Variants in AGPAT4 observed in about 807,000 individuals in gnomAD.
AGPAT4 encodes 1-acyl-sn-glycerol-3-phosphate acyltransferase delta.
AGPAT4 carries 15 observed loss-of-function variants against 48.0 expected under a neutral mutation model. The ratio of observed to expected loss-of-function variants is 0.31; its 90% CI spans 0.21 to 0.48. The LOEUF (loss-of-function observed/expected upper bound fraction) is 0.48, where lower values mean the gene tolerates loss of function less well. Among genes scored for constraint, AGPAT4 ranks in the 20% least tolerant of loss-of-function variants. The pLI is 0.99. For missense variants in AGPAT4, 314 were observed against 482.5 expected (o/e 0.65, Z 3.27); for synonymous variants, 178 against 198.7 (o/e 0.90, Z 0.88).
intron 2 of AGPAT4, among the ~76,000 whole-genome samples, chr6:161,170,301 T>C (rs906018946): frequency 6.6e-6 from 1 of 152,156 alleles, no homozygotes; most frequent in African/African-American, 2.4e-5. Flanking sequence ...GATGTCTACA[T>C]ATCTCCCAGT....
Position 161,229,573 on chromosome 6 carries a change from T to G in AGPAT4, c.178+2463A>C, listed in dbSNP as rs543090117. 6.6e-6 allele frequency among the ~76,000 whole-genome samples: 1 copy of G among 152,276 alleles called. No individual in the cohort carries two copies. Among genetic ancestry groups the G allele is most frequent in the Admixed American group, 6.5e-5 (1 of 15,308 alleles). ...AGGAACCAGGAAAAGCGAACAGCCC[T>G]GCTAACACCTATGGGGATACCAGAA... On this transcript the variant is annotated intron_variant, in intron 2 of 8. Transcript: ENST00000320285. This position sits in a 1 kb window ranked among gnomAD's most constrained non-coding sequence, Gnocchi z 6.0.
chr6:161,176,851 T>C (rs565923933), intron 2 of AGPAT4, among the ~76,000 whole-genome samples: 9 of 152,302 alleles, frequency 5.9e-5, no homozygotes, highest in Non-Finnish European at 1.2e-4. Flanking sequence ...TGACAAAATC[T>C]CTCAGCATTT....
rs878870396 is a variant in AGPAT4 at position 161,178,524 on chromosome 6, G to T, written c.179-12107C>A. On this transcript the variant is annotated intron_variant, in intron 2 of 8. Coordinates refer to ENST00000320285, the MANE Select transcript of AGPAT4 (RefSeq NM_020133.3). The surrounding 1 kb of genome is among the most constrained non-coding windows in gnomAD (Gnocchi z 5.1). ...GGAGTGAACCAATTTTCCAGGTGCC[G>T]TCTGTCACCGCTTCCCTTGGCTAGG... Among the ~76,000 whole-genome samples, 2 of 152,164 alleles carry T rather than the reference G, an allele frequency of 1.3e-5. No individual in the cohort carries two copies. The highest frequency in any genetic ancestry group is 1.5e-5 in the Non-Finnish European group (1 of 68,028).
Position 161,144,055 on chromosome 6 carries a change from T to A in AGPAT4, c.843+2469A>T. The stretch of plus-strand genomic sequence containing the variant: ...GACAAACTGGGTCGGGCACCCAGAT[T>A]TGGGGCACGTAAAGCTTTAGATCTA... On this transcript the variant is annotated intron_variant, in intron 7 of 8. Transcript: ENST00000320285. The surrounding 1 kb of genome is among the most constrained non-coding windows in gnomAD (Gnocchi z 6.6). 1 of 486,382 alleles carries A rather than the reference T, an allele frequency of 2.1e-6. No individual in the cohort carries two copies. The highest frequency in any genetic ancestry group is 5.6e-5 in the East Asian group (1 of 17,714). The allele number at this position is 486,382 out of a possible 1,614,324, so 30.1% of individuals were successfully genotyped here.
In AGPAT4 at chr6:161,234,268, T is replaced by G. The variant is rs1410644319; in HGVS notation, c.-89-1966A>C. ...GAAGGCAGGCTGCATTCCTGCAAGA[T>G]TCCTATACATTTCTGATAGGAGGGA... On this transcript the variant is annotated intron_variant, in intron 1 of 8. Coordinates refer to ENST00000320285, the MANE Select transcript of AGPAT4 (RefSeq NM_020133.3). The surrounding 1 kb of genome is among the most constrained non-coding windows in gnomAD (Gnocchi z 4.4). Among the ~76,000 whole-genome samples, 3 of 152,182 alleles carry G rather than the reference T, an allele frequency of 2.0e-5. No individual in the cohort carries two copies. Among genetic ancestry groups the G allele is most frequent in the African/African-American group, 7.2e-5 (3 of 41,440 alleles).
At chr6:161,213,805 C>CTTA (rs1781576632) in intron 2 of AGPAT4, among the ~76,000 whole-genome samples, 1 of 152,076 alleles carries the variant, frequency 6.6e-6, no homozygotes, top group East Asian at 1.9e-4. Flanking sequence ...TTCCTAATAA[C>CTTA]TTAGATCCTA....
chr6:161,181,504 A>C (rs6901106), intron 2 of AGPAT4, among the ~76,000 whole-genome samples: 1 of 141,972 alleles, frequency 7.0e-6, no homozygotes, highest in Non-Finnish European at 1.6e-5. Flanking sequence ...TGGGGGTAGC[A>C]GGGGGCGGGG....
intron 2 of AGPAT4, among the ~76,000 whole-genome samples, chr6:161,199,630 G>A (rs764172928): frequency 2.0e-5 from 3 of 152,112 alleles, no homozygotes; most frequent in Admixed American, 6.5e-5. Flanking sequence ...GGGAGGGGCC[G>A]GTGAGAGGTG....
Position 161,246,752 on chromosome 6 carries a change from T to G in AGPAT4, c.-89-14450A>C, listed in dbSNP as rs1219988699. Among the ~76,000 whole-genome samples the G allele has an allele frequency of 6.6e-6, 1 of 152,176 alleles. No individual in the cohort carries two copies. The highest frequency in any genetic ancestry group is 2.4e-5 in the African/African-American group (1 of 41,448). ...AAACTAAAGCACTTACTGAGTAATA[T>G]ACCCTGGGCCGGGATGACTTCCACC... On this transcript the variant is annotated intron_variant, in intron 1 of 8. Transcript: ENST00000320285. This position sits in a 1 kb window ranked among gnomAD's most constrained non-coding sequence, Gnocchi z 5.5.
intron 2 of AGPAT4, among the ~76,000 whole-genome samples, chr6:161,230,812 T>C (rs1782103100): frequency 6.6e-6 from 1 of 152,234 alleles, no homozygotes; most frequent in Non-Finnish European, 1.5e-5. Flanking sequence ...TTTCAAGACA[T>C]ATTTCTATAA....
intron 2 of AGPAT4, among the ~76,000 whole-genome samples, chr6:161,209,121 C>G (rs567578577): frequency 6.6e-5 from 10 of 152,188 alleles, no homozygotes; most frequent in Non-Finnish European, 1.3e-4. Context: ...CACTTTGGTG[C>G]TAGAATGAGG....
Position 161,150,846 on chromosome 6 carries a change from T to C in AGPAT4, c.665-1557A>G, listed in dbSNP as rs1386385708. 4.6e-5 allele frequency among the ~76,000 whole-genome samples: 7 copies of C among 152,318 alleles called. No individual in the cohort carries two copies. In the Middle Eastern group the frequency reaches 0.01, roughly 222 times the overall value. ...CAGGCTGTGTGGACCATGACTGTAG[T>C]GTCCTAGGGCTTCCCAGTAAGAAGG... is the stretch of plus-strand genomic sequence containing the variant. On this transcript the variant is annotated intron_variant, in intron 5 of 8. Transcript: ENST00000320285.
chr6:161,170,244 CAG>C (rs1488486479), intron 2 of AGPAT4, among the ~76,000 whole-genome samples: 5 of 152,142 alleles, frequency 3.3e-5, no homozygotes, highest in Non-Finnish European at 7.3e-5. Context: ...AACTTCCCTA[CAG>C]AGACTGCTAA....
intron 5 of AGPAT4, among the ~76,000 whole-genome samples, chr6:161,151,680 G>A (rs989200256): frequency 6.6e-6 from 1 of 152,228 alleles, no homozygotes; most frequent in Non-Finnish European, 1.5e-5. Flanking sequence ...TGCAGAACTC[G>A]GAGCAAACTT....
rs1225422235 is a variant in AGPAT4 at position 161,217,295 on chromosome 6, TG to T, written c.178+14740del. Among the ~76,000 whole-genome samples, 2 of 152,154 alleles carry T rather than the reference TG, an allele frequency of 1.3e-5. No homozygotes were observed. Among genetic ancestry groups the T allele is most frequent in the African/African-American group, 2.4e-5 (1 of 41,428 alleles). On this transcript the variant is annotated intron_variant, in intron 2 of 8. Transcript: ENST00000320285. The surrounding 1 kb of genome is among the most constrained non-coding windows in gnomAD (Gnocchi z 4.9). ...TGGGCTCCCATCAATGCCTGGTACA[TG>T]GTAACAGAAGGTGCTCAATAGATGT...
In AGPAT4 at chr6:161,131,438, T is replaced by C. The variant is rs1466326042; in HGVS notation, c.*5102A>G. Reference sequence around the variant, plus strand: ...ATTGACTGTACAAATTACTCAAGTTTATTTTGGCCTAATTATTCTTAAGAA... The same window carrying C: ...ATTGACTGTACAAATTACTCAAGTTCATTTTGGCCTAATTATTCTTAAGAA... On this transcript the variant is annotated 3_prime_UTR_variant, in exon 9 of 9. Coordinates refer to ENST00000320285, the MANE Select transcript of AGPAT4 (RefSeq NM_020133.3). 1 of 152,580 alleles carries C rather than the reference T, an allele frequency of 6.6e-6. No individual in the cohort carries two copies. The highest frequency in any genetic ancestry group is 1.5e-5 in the Non-Finnish European group (1 of 68,292). 9.5% of individuals were successfully genotyped at this position (152,580 alleles called of 1,614,324 possible). A position where few individuals can be genotyped will look rare whatever the true frequency, so the allele number is the denominator to read the frequency against.
Position 161,209,140 on chromosome 6 carries a change from A to T in AGPAT4, c.178+22896T>A, listed in dbSNP as rs150615934. ...TTGGTGCTAGAATGAGGCATTCCTC[A>T]TCGAAGTGGAACTTTGATGAGTGAC... On this transcript the variant is annotated intron_variant, in intron 2 of 8. Transcript: ENST00000320285. Among the ~76,000 whole-genome samples the T allele has an allele frequency of 3.1e-3, 465 of 152,354 alleles. 3 individuals carry two copies. Among genetic ancestry groups the T allele is most frequent in the African/African-American group, 0.011 (440 of 41,590 alleles).
Position 161,158,779 on chromosome 6 carries a change from T to C in AGPAT4, c.349-4469A>G, listed in dbSNP as rs913825948. On this transcript the variant is annotated intron_variant, in intron 3 of 8. Transcript: ENST00000320285. The surrounding 1 kb of genome is among the most constrained non-coding windows in gnomAD (Gnocchi z 5.3). ...TTAAGGTTTTCTCCAAAATGGCTACTCATCAAGGCTTCAGATGAAGATTCC... is the reference window on the plus strand; with the variant it reads ...TTAAGGTTTTCTCCAAAATGGCTACCCATCAAGGCTTCAGATGAAGATTCC... Among the ~76,000 whole-genome samples, 9 of 152,308 alleles carry C rather than the reference T, an allele frequency of 5.9e-5. No homozygotes were observed. Among genetic ancestry groups the C allele is most frequent in the Middle Eastern group, 3.4e-3 (1 of 294 alleles).
intron 5 of AGPAT4, among the ~76,000 whole-genome samples, chr6:161,152,497 T>C (rs1483557450): frequency 6.6e-6 from 1 of 152,156 alleles, no homozygotes; most frequent in Non-Finnish European, 1.5e-5. Context: ...ACCAACTCTG[T>C]TGCTCCAGAG....
Sources: gnomAD v4.1 joint callset for allele counts (sites outside exome capture counted in the v4.1 genomes callset) on GRCh38, gnomAD v4.1.1 for gene constraint, Gnocchi (gnomAD v3.1) non-coding constraint, MANE v1.5 for transcripts, NCBI Gene and HGNC (gene_info 2026-07-23, HGNC 2026-07-21) for gene names.